KAZN: variants seen among roughly 807,000 people sequenced by gnomAD.
The protein encoded by KAZN is kazrin, periplakin interacting protein.
A neutral mutation model predicts 87.4 loss-of-function variants in KAZN; 40 were observed. The ratio of observed to expected loss-of-function variants is 0.46; its 90% CI spans 0.36 to 0.60. The LOEUF is 0.60. Ranked by LOEUF, KAZN falls within the 20% of genes least tolerant of loss-of-function variation. The pLI is 0.00. For synonymous variants in KAZN, 466 were observed against 458.3 expected, an observed-to-expected ratio of 1.02 and a Z score of -0.22; for missense variants, 898 against 1,073.9, an observed-to-expected ratio of 0.84 and a Z score of 2.29.
chr1:13,921,162 TA>T (rs1640053131), intron 1 of KAZN, among the ~76,000 whole-genome samples: 1 of 152,242 alleles, frequency 6.6e-6, no homozygotes, highest in Non-Finnish European at 1.5e-5. Context: ...ATTTCCATAA[TA>T]CATTTTATAA....
chr1:14,048,341 A>G (rs948068256), intron 1 of KAZN, among the ~76,000 whole-genome samples: 2 of 151,766 alleles, frequency 1.3e-5, no homozygotes, highest in African/African-American at 4.8e-5. Context: ...TGATTGGACT[A>G]TTTTAAGAGC....
intron 1 of KAZN, among the ~76,000 whole-genome samples, chr1:14,894,330 C>T (rs1477509120): frequency 1.3e-5 from 2 of 152,206 alleles, no homozygotes; most frequent in Non-Finnish European, 2.9e-5. Context: ...GGCTCACTAA[C>T]TCCCGCTTTA....
At chr1:14,066,135 CA>C (rs1274699673) in intron 1 of KAZN, among the ~76,000 whole-genome samples, 7 of 152,164 alleles carry the variant, frequency 4.6e-5, no homozygotes, top group African/African-American at 1.7e-4. Flanking sequence ...CAGCTACATC[CA>C]AGTTGCTGCA....
At chr1:14,343,721 G>T (rs1380307348) in intron 2 of KAZN, among the ~76,000 whole-genome samples, 1 of 152,078 alleles carries the variant, frequency 6.6e-6, no homozygotes, top group East Asian at 1.9e-4. Flanking sequence ...CAAACAAATC[G>T]AATTTTTAAA....
chr1:14,268,038 A>T (rs1042356298), intron 2 of KAZN, among the ~76,000 whole-genome samples: 1 of 152,208 alleles, frequency 6.6e-6, no homozygotes, highest in Non-Finnish European at 1.5e-5. Flanking sequence ...GAATTGGCCA[A>T]CAATTTTTTG....
rs142667495 is a variant in KAZN, at chr1:14,620,797, G to T, written c.226+21574G>T. 3.1e-3 allele frequency among the ~76,000 whole-genome samples: 476 copies of T among 152,296 alleles called. 6 individuals carry two copies. The highest frequency in any genetic ancestry group is 2.1e-3 in the Non-Finnish European group (142 of 68,028). ...GCCCCAGTTTTAGCATCTTTAAAAT[G>T]GAAATAATAGAAGCATCTGCATTTT... On this transcript the variant is annotated intron_variant, in intron 1 of 14. Transcript: ENST00000376030.
chr1:14,991,769 G>A (rs1400855885), intron 2 of KAZN, among the ~76,000 whole-genome samples: 31 of 152,264 alleles, frequency 2.0e-4, no homozygotes, highest in Non-Finnish European at 4.4e-5. Context: ...AGCAGATTCC[G>A]CCCTGGACCG....
intron 2 of KAZN, among the ~76,000 whole-genome samples, chr1:14,448,841 A>G (rs1485453949): frequency 6.6e-6 from 1 of 152,180 alleles, no homozygotes. Flanking sequence ...CTCAACCCCC[A>G]TGACATTCAC....
chr1:14,825,481 A>T (rs1646858472), intron 1 of KAZN, among the ~76,000 whole-genome samples: 1 of 152,108 alleles, frequency 6.6e-6, no homozygotes, highest in African/African-American at 2.4e-5. Context: ...TTGTATGTAA[A>T]AGAGCTGTCT....
At chr1:14,929,501 C>T (rs886278617) in intron 1 of KAZN, among the ~76,000 whole-genome samples, 17 of 152,116 alleles carry the variant, frequency 1.1e-4, no homozygotes, top group Admixed American at 9.2e-4. Context: ...AAATAGCACC[C>T]CTGGCTCTGG....
At chr1:14,067,791 G>A (rs973288641) in intron 1 of KAZN, among the ~76,000 whole-genome samples, 3 of 152,198 alleles carry the variant, frequency 2.0e-5, no homozygotes, top group Admixed American at 6.5e-5. Context: ...CTGATCCAGG[G>A]CACCCACGAT....
At chr1:14,275,036 T>A (rs1441414597) in intron 2 of KAZN, among the ~76,000 whole-genome samples, 1 of 152,124 alleles carries the variant, frequency 6.6e-6, no homozygotes, top group East Asian at 1.9e-4. Context: ...TATAAAAATG[T>A]GACTCTATGC....
chr1:14,356,002 C>G (rs530965124), intron 2 of KAZN, among the ~76,000 whole-genome samples: 9 of 152,146 alleles, frequency 5.9e-5, no homozygotes, highest in Non-Finnish European at 1.0e-4. Flanking sequence ...TGAGGAATGC[C>G]ACACTGTCTT....
rs974136906 is a variant in KAZN, at chr1:14,480,760, TA to T, written c.250-118217del. 3.0e-4 allele frequency among the ~76,000 whole-genome samples: 44 copies of T among 145,830 alleles called. No individual in the cohort carries two copies. The East Asian group carries it at 6.7e-3, about 22-fold the overall frequency. ...TATACTATATATGTATTTATATATG[TA>T]AAAAATATATAATATATATAATATA... On this transcript the variant is annotated intron_variant, in intron 2 of 16. Coordinates refer to the KAZN transcript ENST00000636203.
At chr1:14,147,048 T>C (rs1645368936) in intron 1 of KAZN, among the ~76,000 whole-genome samples, 1 of 152,236 alleles carries the variant, frequency 6.6e-6, no homozygotes. Context: ...TAATGAATAG[T>C]AAATATATTT....
chr1:14,694,436 G>A (rs1253107709), intron 1 of KAZN, among the ~76,000 whole-genome samples: 1 of 152,264 alleles, frequency 6.6e-6, no homozygotes, highest in Non-Finnish European at 1.5e-5. Context: ...CATGCCTTCA[G>A]CTGTCTGTGT....
chr1:14,493,453 CTG>C (rs1366252588), intron 2 of KAZN, among the ~76,000 whole-genome samples: 1 of 151,948 alleles, frequency 6.6e-6, no homozygotes, highest in Non-Finnish European at 1.5e-5. Flanking sequence ...ACTCACCACT[CTG>C]TATCTCATTC....
At chr1:13,971,060 G>A (rs181606830) in intron 1 of KAZN, among the ~76,000 whole-genome samples, 32 of 152,290 alleles carry the variant, frequency 2.1e-4, no homozygotes, top group African/African-American at 6.5e-4. Context: ...GCTCAGCAGG[G>A]AGGTTCTTCT....
intron 7 of KAZN, 22 bp from the exon 8 acceptor site, chr1:15,065,608 C>T (rs752960793): frequency 1.3e-6 from 2 of 1,587,246 alleles, no homozygotes; most frequent in South Asian, 1.1e-5. Context: ...CACCCTCTTC[C>T]ACGTGGCTCC....
Sources: gnomAD v4.1 joint callset for allele counts (sites outside exome capture counted in the v4.1 genomes callset) on GRCh38, gnomAD v4.1.1 for gene constraint, MANE v1.5 for transcripts, NCBI Gene and HGNC (gene_info 2026-07-23, HGNC 2026-07-21) for gene names.